AGR3: variants seen among roughly 807,000 people sequenced by gnomAD.
AGR3 encodes the protein anterior gradient protein 3.
A neutral mutation model predicts 24.5 loss-of-function variants in AGR3; 37 were observed. That is an observed-to-expected ratio of 1.51 (90% CI 1.16 to 1.99). The LOEUF (loss-of-function observed/expected upper bound fraction) is 1.99, where lower values mean the gene tolerates loss of function less well. Among genes scored for constraint, AGR3 ranks in the 30% most tolerant of loss-of-function variants. The probability of loss-of-function intolerance (pLI) is 0.00; values close to 1 mark genes in which losing one functional copy is unlikely to be tolerated. For synonymous variants in AGR3, 75 were observed against 61.6 expected (o/e 1.22, Z -1.02); for missense variants, 228 against 191.1 (o/e 1.19, Z -1.14).
At position 16,860,589 on chromosome 7, in the gene AGR3, A is replaced by G. The variant is rs200735174; in HGVS notation, c.368-6T>C. The stretch of plus-strand genomic sequence containing the variant: ...TCTAACTGTTAAAGAAGGGTCTGTC[A>G]AGGAAAAAACCAAGTCACGAAAGTA... On this transcript the variant is annotated splice_region_variant and splice_polypyrimidine_tract_variant and intron_variant, in intron 6 of 7. Coordinates refer to ENST00000310398, the MANE Select transcript of AGR3 (RefSeq NM_176813.5). 61 of 1,606,076 alleles carry G rather than the reference A, an allele frequency of 3.8e-5. No individual in the cohort carries two copies. The African/African-American group carries it at 5.6e-4, about 15-fold the overall frequency.
intron 2 of AGR3, among the ~76,000 whole-genome samples, chr7:16,874,430 A>G (rs947239144): frequency 7.2e-5 from 11 of 152,168 alleles, no homozygotes; most frequent in African/African-American, 2.7e-4. Flanking sequence ...AAAAACAGAA[A>G]GCAATGAATA....
chr7:16,859,577 A>G lies in AGR3; in HGVS notation c.*5T>C, dbSNP rs374042324. The G allele has an allele frequency of 6.5e-7, 1 of 1,548,176 alleles. No individual in the cohort carries two copies. Among genetic ancestry groups the G allele is most frequent in the South Asian group, 1.2e-5 (1 of 85,680 alleles). ...TTTGAAGTGAAGGCTTTTTTCCATC[A>G]TCTCTTATAGCTCTGACTGAATAAG... On this transcript the variant is annotated 3_prime_UTR_variant, in exon 8 of 8. Transcript: ENST00000310398.
chr7:16,876,515 G>A (rs1203720694), intron 2 of AGR3, among the ~76,000 whole-genome samples: 1 of 151,698 alleles, frequency 6.6e-6, no homozygotes, highest in Non-Finnish European at 1.5e-5. Flanking sequence ...AACTAGTGCT[G>A]CCCTGTGCTC....
At chr7:16,859,281 G>T, downstream of AGR3, 1 of 209,150 alleles carries the variant, frequency 4.8e-6, no homozygotes, top group Non-Finnish European at 9.4e-6. Flanking sequence ...AGTTGATGGA[G>T]TGAAGGAGAG....
chr7:16,857,362 A>G (rs1490541038), downstream of AGR3, among the ~76,000 whole-genome samples: 2 of 152,192 alleles, frequency 1.3e-5, no homozygotes, highest in East Asian at 1.9e-4. Context: ...ACAAAGAACA[A>G]TTTATCATTT....
chr7:16,868,353 C>A (rs1278087609), intron 3 of AGR3, among the ~76,000 whole-genome samples: 1 of 152,074 alleles, frequency 6.6e-6, no homozygotes, highest in Non-Finnish European at 1.5e-5. Context: ...TGGGGTTTCT[C>A]CATGTTGGTC....
intron 7 of AGR3, among the ~76,000 whole-genome samples, 166 bp from the exon 8 acceptor site, chr7:16,859,797 G>A (rs946051440): frequency 4.6e-5 from 7 of 152,128 alleles, no homozygotes; most frequent in African/African-American, 1.4e-4. Context: ...TGTAAATTTA[G>A]GGATTAGACC....
At chr7:16,868,968 T>A (rs1451321549) in intron 3 of AGR3, among the ~76,000 whole-genome samples, 2 of 152,216 alleles carry the variant, frequency 1.3e-5, no homozygotes, top group African/African-American at 4.8e-5. Context: ...TCATGTGTCA[T>A]GTGATCTGTT....
At chr7:16,856,652 C>T (rs1781558327), downstream of AGR3, among the ~76,000 whole-genome samples, 2 of 152,132 alleles carry the variant, frequency 1.3e-5, no homozygotes, top group Admixed American at 6.5e-5. Context: ...ACTCTGAAAG[C>T]CTGCATTAAA....
intron 6 of AGR3, among the ~76,000 whole-genome samples, chr7:16,861,005 GTCAAACCAATTTATAATCTAAAACAAAT>G (rs1389329500): frequency 1.4e-3 from 33 of 24,204 alleles, no homozygotes; most frequent in Non-Finnish European, 4.0e-3. Flanking sequence ...TAAAACAAAT[GTCAAACCAATTTATAATCTAAAACAAAT>G]GTCAAACCAA....
chr7:16,873,893 C>G (rs1298148651), intron 2 of AGR3, 50 bp from the exon 3 acceptor site: 1 of 1,391,324 alleles, frequency 7.2e-7, no homozygotes, highest in Non-Finnish European at 1.0e-6. Flanking sequence ...TAGAGAAGAG[C>G]TCGGAAATGG....
chr7:16,873,602 A>G, intron 3 of AGR3, 178 bp downstream of exon 3: 1 of 585,392 alleles, frequency 1.7e-6, no homozygotes. Flanking sequence ...GAGGATTTTG[A>G]GTGTTCCCAC....
At chr7:16,873,191 C>G (rs551194938) in intron 3 of AGR3, among the ~76,000 whole-genome samples, 1 of 152,044 alleles carries the variant, frequency 6.6e-6, no homozygotes, top group Admixed American at 6.6e-5. Context: ...TAGAATCAAC[C>G]TAAATGTCCA....
chr7:16,879,974 A>G lies in AGR3; in HGVS notation c.-27-1329T>C, dbSNP rs148589167. 3.3e-3 allele frequency among the ~76,000 whole-genome samples: 500 copies of G among 151,738 alleles called. 1 individual carries two copies. Among genetic ancestry groups the G allele is most frequent in the Non-Finnish European group, 5.8e-3 (397 of 67,948 alleles). ...GTGGTGTATCTATTGCAGCCCCTCT[A>G]TGGACTGAAAATAGTTACCACTCCA... On this transcript the variant is annotated intron_variant, in intron 1 of 7. Coordinates refer to ENST00000310398, the MANE Select transcript of AGR3 (RefSeq NM_176813.5).
At chr7:16,875,625 A>G (rs1400380940) in intron 2 of AGR3, among the ~76,000 whole-genome samples, 1 of 152,168 alleles carries the variant, frequency 6.6e-6, no homozygotes, top group East Asian at 1.9e-4. Flanking sequence ...GTATATACCT[A>G]GGAGTGGAAC....
At chr7:16,863,352 A>G (rs934451634) in intron 3 of AGR3, among the ~76,000 whole-genome samples, 1 of 152,202 alleles carries the variant, frequency 6.6e-6, no homozygotes, top group African/African-American at 2.4e-5. Flanking sequence ...AGCTGTTAAT[A>G]TTTGGCTATT....
chr7:16,864,175 A>G (rs578042674), intron 3 of AGR3: 19 of 748,682 alleles, frequency 2.5e-5, no homozygotes, highest in Middle Eastern at 4.3e-4. Flanking sequence ...TGTGTAATTC[A>G]TCAGAGAAGT....
intron 2 of AGR3, among the ~76,000 whole-genome samples, 165 bp downstream of exon 2, chr7:16,878,345 A>G (rs957254674): frequency 6.6e-6 from 1 of 152,242 alleles, no homozygotes; most frequent in Non-Finnish European, 1.5e-5. Flanking sequence ...TGCCTAAAAT[A>G]AACTGATTCC....
Position 16,861,913 on chromosome 7 carries a change from A to AAG in AGR3, c.303+70_303+71insCT. ...GAGACTCTGTCTAAAAAAAAAAAAA[A>AAG]AAAAGAAAAAAACGGATTCAAAATT... On this transcript the variant is annotated intron_variant, in intron 5 of 7. Coordinates refer to ENST00000310398, the MANE Select transcript of AGR3 (RefSeq NM_176813.5). The AAG allele has an allele frequency of 3.6e-6, 5 of 1,398,466 alleles. No homozygotes were observed. The South Asian group carries it at 3.9e-5, about 11-fold the overall frequency. 86.6% of individuals were successfully genotyped at this position (1,398,466 alleles called of 1,614,324 possible).
Sources: gnomAD v4.1 joint callset for allele counts (sites outside exome capture counted in the v4.1 genomes callset) on GRCh38, gnomAD v4.1.1 for gene constraint, MANE v1.5 for transcripts, NCBI Gene and HGNC (gene_info 2026-07-23, HGNC 2026-07-21) for gene names.